Variants in CTNNA3 observed in about 807,000 individuals in gnomAD.
The protein encoded by CTNNA3 is catenin alpha-3.
In CTNNA3, 76 loss-of-function variants were observed where a neutral mutation model predicts 95.7. That is an observed-to-expected ratio of 0.79 (90% CI 0.66 to 0.96). CTNNA3 has a LOEUF of 0.96. CTNNA3 is among the 40% of genes least tolerant of loss of function. The probability of loss-of-function intolerance (pLI) is 0.00; values close to 1 mark genes in which losing one functional copy is unlikely to be tolerated. For synonymous variants in CTNNA3, 431 were observed against 374.4 expected (o/e 1.15, Z -1.74); for missense variants, 1,191 against 1,089.8 (o/e 1.09, Z -1.31).
At chr10:67,474,337 C>T (rs540717003) in intron 5 of CTNNA3, among the ~76,000 whole-genome samples, 29 of 152,186 alleles carry the variant, frequency 1.9e-4, no homozygotes, top group Admixed American at 1.6e-3. Context: ...CCAATACGAC[C>T]GCTGTCCTTA....
chr10:66,245,752 G>T (rs72799109), intron 13 of CTNNA3, among the ~76,000 whole-genome samples: 2 of 151,944 alleles, frequency 1.3e-5, no homozygotes, highest in Non-Finnish European at 2.9e-5. Flanking sequence ...TGATAGTCCT[G>T]ACTTCTCTGC....
intron 7 of CTNNA3, among the ~76,000 whole-genome samples, chr10:66,854,442 A>G (rs1843613370): frequency 6.6e-6 from 1 of 152,020 alleles, no homozygotes; most frequent in Non-Finnish European, 1.5e-5. Flanking sequence ...CTAGGATTCG[A>G]CAAACAAGTA....
At chr10:67,703,687 C>A (rs548442010) in intron 1 of CTNNA3, among the ~76,000 whole-genome samples, 1 of 152,330 alleles carries the variant, frequency 6.6e-6, no homozygotes, top group South Asian at 2.1e-4. Context: ...TGGGCAAACA[C>A]TGGAAGCATT....
intron 3 of CTNNA3, among the ~76,000 whole-genome samples, chr10:67,592,405 C>T (rs990889832): frequency 6.6e-6 from 1 of 152,088 alleles, no homozygotes; most frequent in Admixed American, 6.6e-5. Context: ...TTCCCTCCCA[C>T]TCACCAAACA....
chr10:67,711,588 T>G (rs1301367890), intron 1 of CTNNA3, among the ~76,000 whole-genome samples: 1 of 152,172 alleles, frequency 6.6e-6, no homozygotes, highest in Non-Finnish European at 1.5e-5. Flanking sequence ...TTTATTTATT[T>G]ATTTTTTATT....
At chr10:67,191,194 A>C (rs1177926870) in intron 6 of CTNNA3, among the ~76,000 whole-genome samples, 2 of 152,040 alleles carry the variant, frequency 1.3e-5, no homozygotes, top group African/African-American at 4.8e-5. Flanking sequence ...TTACAAAATT[A>C]AACATATTGT....
intron 7 of CTNNA3, among the ~76,000 whole-genome samples, chr10:66,884,758 G>C (rs1844980147): frequency 6.6e-6 from 1 of 152,110 alleles, no homozygotes; most frequent in South Asian, 2.1e-4. Flanking sequence ...AACCAATACA[G>C]AGGGGCAAGA....
chr10:66,831,926 AAG>A (rs1842733778), intron 7 of CTNNA3, among the ~76,000 whole-genome samples: 1 of 152,168 alleles, frequency 6.6e-6, no homozygotes, highest in African/African-American at 2.4e-5. Flanking sequence ...AAGCAGATTA[AAG>A]AAGACAAGGA....
At chr10:67,457,774 T>G (rs1847226503) in intron 5 of CTNNA3, among the ~76,000 whole-genome samples, 1 of 152,122 alleles carries the variant, frequency 6.6e-6, no homozygotes, top group Non-Finnish European at 1.5e-5. Context: ...TTCTCTGTTC[T>G]CAAAGCCAGC....
At chr10:66,814,851 C>CTTT (rs71035183) in intron 7 of CTNNA3, among the ~76,000 whole-genome samples, 7 of 114,982 alleles carry the variant, frequency 6.1e-5, no homozygotes, top group African/African-American at 1.6e-4. Flanking sequence ...AGTTAGCATT[C>CTTT]TTTTTTTTTT....
chr10:66,073,329 T>C (rs2080480139), intron 14 of CTNNA3, among the ~76,000 whole-genome samples: 1 of 152,174 alleles, frequency 6.6e-6, no homozygotes, highest in Non-Finnish European at 1.5e-5. Context: ...TTAGCCAATA[T>C]AGTTCTTCTA....
intron 13 of CTNNA3, among the ~76,000 whole-genome samples, chr10:66,228,100 TCTTTCCAAAACACTATCATTATATTG>T (rs2089409280): frequency 6.6e-6 from 1 of 152,154 alleles, no homozygotes; most frequent in South Asian, 2.1e-4. Flanking sequence ...ATTTTGATTA[TCTTTCCAAAACACTATCATTATATTG>T]TTTTTATTTT....
intron 3 of CTNNA3, among the ~76,000 whole-genome samples, chr10:67,540,401 T>A (rs951631614): frequency 6.6e-6 from 1 of 151,990 alleles, no homozygotes; most frequent in East Asian, 1.9e-4. Flanking sequence ...CTTCTTTTTA[T>A]TATAAAAGTA....
At chr10:66,515,415 A>T (rs1324411423) in intron 11 of CTNNA3, among the ~76,000 whole-genome samples, 1 of 151,980 alleles carries the variant, frequency 6.6e-6, no homozygotes, top group African/African-American at 2.4e-5. Flanking sequence ...CTTATAAAAA[A>T]TTTGAAAGTA....
At chr10:67,318,013 ATT>A (rs11302311) in intron 5 of CTNNA3, among the ~76,000 whole-genome samples, 128 of 148,812 alleles carry the variant, frequency 8.6e-4, no homozygotes, top group East Asian at 3.2e-3. Flanking sequence ...AATGAAAACC[ATT>A]TTTTTTTTTT....
chr10:66,091,737 T>C (rs1215637373), intron 14 of CTNNA3, among the ~76,000 whole-genome samples: 2 of 151,612 alleles, frequency 1.3e-5, no homozygotes, highest in African/African-American at 4.8e-5. Context: ...ACTAAAAAGG[T>C]GCTATTCAAG....
intron 13 of CTNNA3, among the ~76,000 whole-genome samples, chr10:66,189,450 C>A (rs1738785667): frequency 2.0e-5 from 3 of 151,500 alleles, no homozygotes; most frequent in African/African-American, 7.3e-5. Context: ...TTCCAAACAC[C>A]ATTTATTTCC....
At chr10:66,753,538 C>T (rs1589217030) in intron 9 of CTNNA3, among the ~76,000 whole-genome samples, 1 of 151,420 alleles carries the variant, frequency 6.6e-6, no homozygotes, top group East Asian at 2.0e-4. Context: ...GGTGGGCACC[C>T]GTAATCCCAG....
intron 5 of CTNNA3, among the ~76,000 whole-genome samples, chr10:67,404,643 C>T (rs1845064193): frequency 6.6e-6 from 1 of 151,960 alleles, no homozygotes; most frequent in Non-Finnish European, 1.5e-5. Context: ...TTCAGGATAT[C>T]ATCCAGGAGA....
Sources: allele counts gnomAD v4.1 joint callset (sites outside exome capture counted in the v4.1 genomes callset), GRCh38; gene constraint gnomAD v4.1.1; transcripts MANE v1.5; gene names NCBI Gene and HGNC (gene_info 2026-07-23, HGNC 2026-07-21).